The following CSMD1 variants were observed in gnomAD, a reference collection of about 807,000 sequenced individuals.
CSMD1 encodes CUB and sushi domain-containing protein 1.
CSMD1 carries 213 observed loss-of-function variants against 417.5 expected under a neutral mutation model. That is an observed-to-expected ratio of 0.51 (90% CI 0.46 to 0.57). CSMD1 has a LOEUF of 0.57. Among genes scored for constraint, CSMD1 ranks in the 20% least tolerant of loss-of-function variants. The pLI is 0.00. For missense variants in CSMD1, 6,923 were observed against 4,529.7 expected (o/e 1.53, Z -15.17); for synonymous variants, 2,862 against 1,736.8 (o/e 1.65, Z -16.11).
At chr8:3,566,717 A>G (rs573928951) in intron 10 of CSMD1, among the ~76,000 whole-genome samples, 1 of 152,318 alleles carries the variant, frequency 6.6e-6, no homozygotes, top group South Asian at 2.1e-4. Context: ...GGAAATCAAA[A>G]CCACAATAAG....
In CSMD1 at chr8:4,994,603, G is replaced by A. The variant is rs1811659374; in HGVS notation, c.-187C>T. ...GGCTCGCTTCCCTCTCATAGCATCG[G>A]GTCCCGAGCCACTGCAGGGCTGAGC... On this transcript the variant is annotated 5_prime_UTR_variant, in exon 1 of 70. Coordinates refer to ENST00000635120, the MANE Select transcript of CSMD1 (RefSeq NM_033225.6). The A allele has an allele frequency of 3.3e-6, 2 of 603,118 alleles. No homozygotes were observed. Among genetic ancestry groups the A allele is most frequent in the Non-Finnish European group, 6.0e-6 (2 of 335,598 alleles). 37.4% of individuals were successfully genotyped at this position (603,118 alleles called of 1,614,324 possible). A position where few individuals can be genotyped will look rare whatever the true frequency, so the allele number is the denominator to read the frequency against.
chr8:3,150,165 G>A (rs1209739482), intron 40 of CSMD1, among the ~76,000 whole-genome samples: 1 of 152,084 alleles, frequency 6.6e-6, no homozygotes, highest in Non-Finnish European at 1.5e-5. Flanking sequence ...CTCAGAGAGA[G>A]TATGACTGAA....
chr8:3,447,568 G>A (rs10283210), intron 12 of CSMD1, among the ~76,000 whole-genome samples: 119 of 152,314 alleles, frequency 7.8e-4, no homozygotes, highest in African/African-American at 2.7e-3. Context: ...CACAGAGGGC[G>A]ACAGGAAGGG....
chr8:4,168,110 G>A (rs1424778214), intron 3 of CSMD1, among the ~76,000 whole-genome samples: 3 of 151,418 alleles, frequency 2.0e-5, no homozygotes, highest in African/African-American at 4.9e-5. Context: ...GCTTGGGAAA[G>A]AGAGCAAGGC....
chr8:4,926,576 A>G (rs937147719), intron 1 of CSMD1, among the ~76,000 whole-genome samples: 2 of 152,216 alleles, frequency 1.3e-5, no homozygotes, highest in African/African-American at 2.4e-5. Flanking sequence ...CTTGGGGAAA[A>G]ACCAACTCAA....
At chr8:4,003,826 A>G (rs1436827827) in intron 4 of CSMD1, among the ~76,000 whole-genome samples, 1 of 140,788 alleles carries the variant, frequency 7.1e-6, no homozygotes, top group Non-Finnish European at 1.5e-5. Flanking sequence ...CTGATATTCT[A>G]CCAAGGTCAT....
At chr8:4,258,579 G>T (rs895051554) in intron 3 of CSMD1, among the ~76,000 whole-genome samples, 1 of 61,252 alleles carries the variant, frequency 1.6e-5, no homozygotes, top group African/African-American at 5.5e-5. Context: ...AGAATGGAAG[G>T]AAGGAGGGAT....
chr8:4,056,168 G>A (rs1196754084), intron 3 of CSMD1, among the ~76,000 whole-genome samples: 1 of 135,678 alleles, frequency 7.4e-6, no homozygotes, highest in Admixed American at 9.0e-5. Flanking sequence ...TCCAACCTCT[G>A]CCTCTTGGGT....
intron 3 of CSMD1, among the ~76,000 whole-genome samples, chr8:4,057,456 G>A (rs1184152326): frequency 2.6e-5 from 4 of 152,140 alleles, no homozygotes; most frequent in Non-Finnish European, 5.9e-5. Flanking sequence ...TGAGTAGGTT[G>A]TGAAAATTTT....
chr8:2,994,534 G>A (rs936800903), intron 54 of CSMD1, among the ~76,000 whole-genome samples: 1 of 152,120 alleles, frequency 6.6e-6, no homozygotes, highest in Non-Finnish European at 1.5e-5. Flanking sequence ...CCACTGCCAT[G>A]TTTTACAGAG....
intron 5 of CSMD1, among the ~76,000 whole-genome samples, chr8:3,955,010 T>C (rs1295578039): frequency 6.6e-6 from 1 of 152,194 alleles, no homozygotes; most frequent in Non-Finnish European, 1.5e-5. Context: ...CATCAGGAAA[T>C]GGCCTCTCCT....
chr8:3,204,328 T>C (rs1797132975), intron 31 of CSMD1, among the ~76,000 whole-genome samples: 1 of 152,120 alleles, frequency 6.6e-6, no homozygotes, highest in Non-Finnish European at 1.5e-5. Context: ...GTAATAAATA[T>C]ATTTTGTCAT....
At chr8:3,701,277 G>A (rs1020862539) in intron 7 of CSMD1, among the ~76,000 whole-genome samples, 1 of 152,154 alleles carries the variant, frequency 6.6e-6, no homozygotes, top group African/African-American at 2.4e-5. Context: ...ACAACTTTCC[G>A]AAGATGAATA....
At chr8:4,661,263 C>T in intron 1 of CSMD1, among the ~76,000 whole-genome samples, 1 of 152,080 alleles carries the variant, frequency 6.6e-6, no homozygotes, top group East Asian at 1.9e-4. Context: ...ACATCCATAA[C>T]ATCTAATACC....
At chr8:4,206,591 G>A (rs543942158) in intron 3 of CSMD1, among the ~76,000 whole-genome samples, 1 of 152,134 alleles carries the variant, frequency 6.6e-6, no homozygotes, top group Non-Finnish European at 1.5e-5. Flanking sequence ...ATCATTGATG[G>A]ACATCTGGGT....
intron 1 of CSMD1, among the ~76,000 whole-genome samples, chr8:4,656,695 G>A (rs1253434493): frequency 6.6e-6 from 1 of 152,052 alleles, no homozygotes; most frequent in African/African-American, 2.4e-5. Flanking sequence ...CCAGTTACCT[G>A]CCAGAGCAAC....
chr8:3,327,948 C>T (rs1356492460), intron 23 of CSMD1, among the ~76,000 whole-genome samples: 1 of 152,108 alleles, frequency 6.6e-6, no homozygotes, highest in Non-Finnish European at 1.5e-5. Flanking sequence ...CAATGCCCTA[C>T]CTAGCCCTAG....
At chr8:3,075,883 T>C (rs946576264) in intron 49 of CSMD1, among the ~76,000 whole-genome samples, 6 of 117,636 alleles carry the variant, frequency 5.1e-5, no homozygotes, top group African/African-American at 1.7e-4. Flanking sequence ...CTACTAAAAA[T>C]ACAAAAAAAA....
intron 3 of CSMD1, among the ~76,000 whole-genome samples, chr8:4,109,568 C>T (rs1205310299): frequency 6.6e-6 from 1 of 152,108 alleles, no homozygotes; most frequent in Non-Finnish European, 1.5e-5. Context: ...ATTTCCCAGT[C>T]AATGTCTGGA....
Sources: gnomAD v4.1 joint callset for allele counts (sites outside exome capture counted in the v4.1 genomes callset) on GRCh38, gnomAD v4.1.1 for gene constraint, MANE v1.5 for transcripts, NCBI Gene and HGNC (gene_info 2026-07-23, HGNC 2026-07-21) for gene names.